The following EFCAB12 variants were observed in gnomAD, a reference collection of about 807,000 sequenced individuals.
EFCAB12 encodes EF-hand calcium-binding domain-containing protein 12.
Under a neutral mutation model 53.6 loss-of-function variants are expected in EFCAB12, and 43 were observed. The observed-to-expected ratio is 0.80, with a 90% CI of 0.63 to 1.03. The LOEUF is 1.03. EFCAB12 is among the 50% of genes least tolerant of loss of function. The pLI, the probability that EFCAB12 is intolerant of heterozygous loss-of-function variation, is 0.00. For synonymous variants in EFCAB12, 269 were observed against 289.2 expected, an observed-to-expected ratio of 0.93 and a Z score of 0.71; for missense variants, 646 against 730.6, an observed-to-expected ratio of 0.88 and a Z score of 1.34.
intron 3 of EFCAB12, among the ~76,000 whole-genome samples, chr3:129,417,298 C>T (rs1215786862): frequency 1.5e-5 from 2 of 133,094 alleles, no homozygotes; most frequent in Non-Finnish European, 3.1e-5. Flanking sequence ...GCACTCCAGC[C>T]TGGTGACAGA....
chr3:129,421,984 A>G (rs2107742180), intron 1 of EFCAB12, among the ~76,000 whole-genome samples, 181 bp from the exon 2 acceptor site: 1 of 152,326 alleles, frequency 6.6e-6, no homozygotes, highest in East Asian at 1.9e-4. Context: ...TGCTCCCAAC[A>G]GCAGGCAGCA....
At chr3:129,401,940 G>A (rs556715613) in intron 8 of EFCAB12, 89 bp from the exon 9 acceptor site, 1 of 1,506,806 alleles carries the variant, frequency 6.6e-7, no homozygotes, top group Non-Finnish European at 8.9e-7. Flanking sequence ...TGTGACCAAA[G>A]TGGAGATTTA....
intron 4 of EFCAB12, chr3:129,414,339 G>A (rs1305909239): frequency 1.3e-5 from 2 of 152,140 alleles, no homozygotes; most frequent in African/African-American, 2.4e-5. Context: ...AAACTCCAAC[G>A]GCCTCACCCC....
At chr3:129,409,559 A>G (rs932299436) in intron 5 of EFCAB12, among the ~76,000 whole-genome samples, 1 of 152,190 alleles carries the variant, frequency 6.6e-6, no homozygotes, top group Non-Finnish European at 1.5e-5. Context: ...CGGAGCAGGT[A>G]GCTGCTTTTG....
chr3:129,406,090 A>T (rs2071946991), intron 6 of EFCAB12, among the ~76,000 whole-genome samples: 1 of 151,548 alleles, frequency 6.6e-6, no homozygotes, highest in South Asian at 2.1e-4. Context: ...GTGGGGACAG[A>T]CAAAGAAGCA....
chr3:129,419,531 C>A (rs535717883), intron 2 of EFCAB12, among the ~76,000 whole-genome samples: 1 of 152,300 alleles, frequency 6.6e-6, no homozygotes, highest in African/African-American at 2.4e-5. Flanking sequence ...AATTGGTTAT[C>A]ATGGAAGAGG....
intron 6 of EFCAB12, among the ~76,000 whole-genome samples, chr3:129,407,475 G>A (rs147758398): frequency 3.3e-5 from 5 of 152,290 alleles, no homozygotes; most frequent in East Asian, 1.9e-4. Flanking sequence ...CCTGTGTGAC[G>A]TGTTCCTTTC....
chr3:129,417,815 C>T (rs2072137114), intron 3 of EFCAB12, among the ~76,000 whole-genome samples: 1 of 152,098 alleles, frequency 6.6e-6, no homozygotes, highest in Non-Finnish European at 1.5e-5. Flanking sequence ...GTTAGAAATA[C>T]AGCATCTTTT....
At position 129,421,547 on chromosome 3, in the gene EFCAB12, C is replaced by T. The variant is rs1006880256; in HGVS notation, c.306G>A (p.Arg102=). The change falls in exon 2 of 9, where the codon AGG becomes AGA. Residue 102 remains arginine, a synonymous_variant. Transcript: ENST00000505956. ...TCGACCTCTGGCTCAGCCAGGTCTT[C>T]CTGTCCTCTGGCTGCTCTTGGATAT... ...ARDIQEQPED[R]KTWLSQRSKL... 1.1e-5 allele frequency: 17 copies of T among 1,614,028 alleles called. No individual in the cohort carries two copies. Among genetic ancestry groups the T allele is most frequent in the Admixed American group, 8.3e-5 (5 of 60,032 alleles).
intron 6 of EFCAB12, among the ~76,000 whole-genome samples, chr3:129,405,447 A>G (rs1203363372): frequency 6.6e-6 from 1 of 152,262 alleles, no homozygotes; most frequent in Non-Finnish European, 1.5e-5. Flanking sequence ...AGTGTGATTT[A>G]ACAATGAGTT....
chr3:129,402,609 GGA>G (rs749423990), intron 7 of EFCAB12, 30 bp from the exon 8 acceptor site: 34 of 1,605,430 alleles, frequency 2.1e-5, no homozygotes, highest in Non-Finnish European at 6.8e-6. Context: ...CATTTTGTGA[GGA>G]GAGTGGAAAT....
intron 6 of EFCAB12, among the ~76,000 whole-genome samples, chr3:129,406,232 C>T (rs1242696790): frequency 1.3e-5 from 2 of 152,038 alleles, no homozygotes; most frequent in East Asian, 1.9e-4. Flanking sequence ...TGAGGTTCCC[C>T]AAGGAAGGAA....
At position 129,411,335 on chromosome 3, in the gene EFCAB12, G is replaced by A. The variant is rs1472347239; in HGVS notation, c.858C>T (p.His286=). The part of the protein sequence containing the change: ...TAREHYILAK[H]RDSLKGPLKK... ...TGAGCGGACCCTTCAGGGAATCTCT[G>A]TGCTTGGCCAAGATATAATCTGGAG... Residue 286 remains histidine, a synonymous_variant, in exon 5 of 9, where the codon CAC becomes CAT. Coordinates refer to ENST00000505956, the MANE Select transcript of EFCAB12 (RefSeq NM_207307.3). 1.3e-6 allele frequency: 2 copies of A among 1,588,346 alleles called. No individual in the cohort carries two copies. The highest frequency in any genetic ancestry group is 3.5e-5 in the Admixed American group (2 of 57,592).
chr3:129,407,958 T>G (rs1273772766), intron 6 of EFCAB12, among the ~76,000 whole-genome samples: 1 of 152,208 alleles, frequency 6.6e-6, no homozygotes, highest in Admixed American at 6.5e-5. Context: ...AAGTTTGGAA[T>G]GCAGGCATTG....
chr3:129,426,750 C>T (rs1418845090), intron 1 of EFCAB12, among the ~76,000 whole-genome samples: 2 of 151,928 alleles, frequency 1.3e-5, no homozygotes, highest in Non-Finnish European at 2.9e-5. Flanking sequence ...AATCATAGCT[C>T]ACTGCAGCCT....
chr3:129,424,586 T>C (rs2072229048), intron 1 of EFCAB12, among the ~76,000 whole-genome samples: 1 of 152,226 alleles, frequency 6.6e-6, no homozygotes, highest in Non-Finnish European at 1.5e-5. Context: ...CTTTATAAAT[T>C]ACCTAGTCTC....
chr3:129,402,060 C>T (rs561922655), intron 8 of EFCAB12, among the ~76,000 whole-genome samples: 45 of 152,364 alleles, frequency 3.0e-4, no homozygotes, highest in African/African-American at 8.9e-4. Flanking sequence ...GGGAGGCCGT[C>T]GCACACTGAG....
At chr3:129,422,271 T>C (rs1380845509) in intron 1 of EFCAB12, among the ~76,000 whole-genome samples, 1 of 152,252 alleles carries the variant, frequency 6.6e-6, no homozygotes, top group Non-Finnish European at 1.5e-5. Flanking sequence ...GATGGTAACC[T>C]ATTTTATCGG....
In EFCAB12 at chr3:129,401,617, G is replaced by A. The variant is rs1382460327; in HGVS notation, c.1695C>T (p.Ala565=). Residue 565 remains alanine (A), a synonymous_variant, in exon 9 of 9, where the codon GCC becomes GCT. Coordinates refer to ENST00000505956, the MANE Select transcript of EFCAB12 (RefSeq NM_207307.3). ...TCTAGTTGATGTAGTACACCTTGGC[G>A]GCATCATAATGGGCGTGGGTCATGT... ...KNYMTHAHYD[A]AKVYYIN 8.3e-6 allele frequency: 13 copies of A among 1,563,840 alleles called. No homozygotes were observed. Among genetic ancestry groups the A allele is most frequent in the Admixed American group, 1.9e-5 (1 of 52,944 alleles).
Sources: allele counts gnomAD v4.1 joint callset (sites outside exome capture counted in the v4.1 genomes callset), GRCh38; gene constraint gnomAD v4.1.1; transcripts MANE v1.5; gene names NCBI Gene and HGNC (gene_info 2026-07-23, HGNC 2026-07-21).